CD1C: variants seen among roughly 807,000 people sequenced by gnomAD.
CD1C encodes CD1c molecule.
CD1C carries 47 observed loss-of-function variants against 39.4 expected under a neutral mutation model. The ratio of observed to expected loss-of-function variants is 1.19; its 90% CI spans 0.94 to 1.52. The LOEUF (loss-of-function observed/expected upper bound fraction) is 1.52, where lower values mean the gene tolerates loss of function less well. Ranked by LOEUF, CD1C falls within the 40% of genes most tolerant of loss-of-function variation. CD1C has a pLI of 0.00. For missense variants in CD1C, 417 were observed against 395.2 expected (o/e 1.06, Z -0.47); for synonymous variants, 165 against 150.8 (o/e 1.09, Z -0.69).
Position 158,290,570 on chromosome 1 carries a change from T to G in CD1C, c.61+445T>G, listed in dbSNP as rs548952049. Among the ~76,000 whole-genome samples the G allele has an allele frequency of 9.0e-4, 137 of 152,168 alleles. 1 individual carries two copies. The highest frequency in any genetic ancestry group is 1.7e-3 in the Non-Finnish European group (113 of 68,006). ...CCTAAGGGAAGAGAGTAACTTTAGT[T>G]CAGAGCAGATGGGGAAATGAGAGAT... On this transcript the variant is annotated intron_variant, in intron 1 of 5. Coordinates refer to ENST00000368170, the MANE Select transcript of CD1C (RefSeq NM_001765.3).
Position 158,292,722 on chromosome 1 carries a change from A to C in CD1C, c.737A>C (p.Gln246Pro), listed in dbSNP as rs760750400. The part of the protein sequence containing the change: ...WVTWMRNEQE[Q>P]LGTKHGDILP... ...ACATGGATGCGGAATGAACAGGAGCAACTGGGCACTAAACATGGTGATATT... is the reference window on the plus strand; with the variant it reads ...ACATGGATGCGGAATGAACAGGAGCCACTGGGCACTAAACATGGTGATATT... Residue 246 changes from glutamine to proline, a missense_variant, in exon 4 of 6, where the codon CAA (glutamine) becomes CCA (proline). Gln to Pro is a moderately conservative substitution (Grantham distance 76). Coordinates refer to ENST00000368170, the MANE Select transcript of CD1C (RefSeq NM_001765.3). 6.2e-7 allele frequency: 1 copy of C among 1,614,216 alleles called. No individual in the cohort carries two copies. The highest frequency in any genetic ancestry group is 1.3e-5 in the African/African-American group (1 of 75,074).
Position 158,292,352 on chromosome 1 carries a change from T to G in CD1C, c.597T>G (p.Tyr199Ter). 6.2e-7 allele frequency: 1 copy of G among 1,613,742 alleles called. No homozygotes were observed. The highest frequency in any genetic ancestry group is 8.5e-7 in the Non-Finnish European group (1 of 1,179,888). ...GTCTCCTGGATGCAGGGAAGATGTA[T>G]GTACACAGGCAAGGTCAGTAGTTTC... Reference protein sequence around the residue: ...LLGLLDAGKMYVHRQVRPEAW... With the variant: ...LLGLLDAGKM The change falls in exon 3 of 6, where the codon TAT becomes TAG. Residue 199 changes from tyrosine (Y) to a stop codon, truncating the protein, a stop_gained. Coordinates refer to ENST00000368170, the MANE Select transcript of CD1C (RefSeq NM_001765.3). LOFTEE classifies it high-confidence loss of function.
In CD1C at chr1:158,291,102, C is replaced by G. The variant is rs1268888802; in HGVS notation, c.62-32C>G. 2.7e-6 allele frequency: 4 copies of G among 1,476,776 alleles called. No homozygotes were observed. The Admixed American group carries it at 8.6e-5, about 32-fold the overall frequency. The allele number at this position is 1,476,776 out of a possible 1,614,324, so 91.5% of individuals were successfully genotyped here. Reference sequence around the variant, plus strand: ...TCCTTGCCTCTCTTTTTTTTTTTTTCCTTACACTACTTGCCCTTCTTCCAC... The same window carrying G: ...TCCTTGCCTCTCTTTTTTTTTTTTTGCTTACACTACTTGCCCTTCTTCCAC... On this transcript the variant is annotated intron_variant, in intron 1 of 5. Transcript: ENST00000368170.
In CD1C at chr1:158,293,252, A is replaced by T. The variant is rs1220670859; in HGVS notation, c.930A>T (p.Ile310=). ...TGAATTGGATTGCCTTGGTAGTGATAGTGCCCTTGGTGATTCTAATAGTCC... is the reference window on the plus strand; with the variant it reads ...TGAATTGGATTGCCTTGGTAGTGATTGTGCCCTTGGTGATTCTAATAGTCC... ...FSMNWIALVV[I]VPLVILIVLV... The change falls in exon 5 of 6, where the codon ATA becomes ATT. Residue 310 remains isoleucine (I), a synonymous_variant. Transcript: ENST00000368170. 1 of 1,614,128 alleles carries T rather than the reference A, an allele frequency of 6.2e-7. No homozygotes were observed.
Position 158,292,617 on chromosome 1 carries a change from C to T in CD1C, c.632C>T (p.Ser211Phe). 1 of 1,612,858 alleles carries T rather than the reference C, an allele frequency of 6.2e-7. No homozygotes were observed. Reference protein sequence around the residue: ...HRQVRPEAWLSSRPSLGSGQL... With the variant: ...HRQVRPEAWLFSRPSLGSGQL... Reference sequence around the variant, plus strand: ...GCAGTGAGGCCAGAAGCCTGGCTGTCCAGTCGCCCCAGCCTTGGGTCTGGC... The same window carrying T: ...GCAGTGAGGCCAGAAGCCTGGCTGTTCAGTCGCCCCAGCCTTGGGTCTGGC... Residue 211 changes from serine to phenylalanine, a missense_variant, in exon 4 of 6, where the codon TCC (serine) becomes TTC (phenylalanine). Transcript: ENST00000368170.
chr1:158,293,268 C>G lies in CD1C; in HGVS notation c.946C>G (p.Leu316Val). The G allele has an allele frequency of 6.2e-7, 1 of 1,614,050 alleles. No individual in the cohort carries two copies. Among genetic ancestry groups the G allele is most frequent in the Non-Finnish European group, 8.5e-7 (1 of 1,179,954 alleles). Residue 316 changes from leucine (L) to valine (V), a missense_variant, in exon 5 of 6, where the codon CTA becomes GTA. Physicochemically the swap from Leu to Val is conservative, Grantham distance 32. Transcript: ENST00000368170. Reference protein sequence around the residue: ...ALVVIVPLVILIVLVLWFKKH... With the variant: ...ALVVIVPLVIVIVLVLWFKKH... ...GGTAGTGATAGTGCCCTTGGTGATT[C>G]TAATAGTCCTTGTGTTATGGTTTAA... is the stretch of plus-strand genomic sequence containing the variant.
Position 158,291,281 on chromosome 1 carries a change from A to C in CD1C, c.209A>C (p.Asn70Thr), listed in dbSNP as rs3138100. ...TCAGGCACAATAATTTTCCTGCATA[A>C]CTGGTCCAAGGGCAACTTCAGCAAT... ...SESGTIIFLH[N>T]WSKGNFSNEE... Residue 70 changes from asparagine to threonine, a missense_variant, in exon 2 of 6, where the codon AAC (asparagine) becomes ACC (threonine). Asn to Thr is a moderately conservative substitution (Grantham distance 65). Coordinates refer to ENST00000368170, the MANE Select transcript of CD1C (RefSeq NM_001765.3). The C allele has an allele frequency of 7.1e-3, 11,479 of 1,614,036 alleles. 485 individuals are homozygous for C. In the African/African-American group the frequency reaches 0.11, roughly 15 times the overall value.
intron 4 of CD1C, 56 bp downstream of exon 4, chr1:158,292,930 GA>G: frequency 6.4e-7 from 1 of 1,567,480 alleles, no homozygotes; most frequent in South Asian, 1.1e-5. Flanking sequence ...GAGGTTAGGG[GA>G]GAGGAAATTT....
chr1:158,291,317 C>T lies in CD1C; in HGVS notation c.245C>T (p.Ser82Leu). The change falls in exon 2 of 6, where the codon TCA becomes TTA. Residue 82 changes from serine to leucine, a missense_variant. Coordinates refer to ENST00000368170, the MANE Select transcript of CD1C (RefSeq NM_001765.3). ...GGCAACTTCAGCAATGAAGAGTTGT[C>T]AGACCTAGAGTTGTTATTTCGTTTC... ...SKGNFSNEEL[S>L]DLELLFRFYL... 1.2e-6 allele frequency: 2 copies of T among 1,614,080 alleles called. No individual in the cohort carries two copies. The highest frequency in any genetic ancestry group is 1.7e-6 in the Non-Finnish European group (2 of 1,179,976).
At position 158,291,362 on chromosome 1, in the gene CD1C, G is replaced by A. The variant is rs114534381; in HGVS notation, c.290G>A (p.Arg97Gln). 1.0e-4 allele frequency: 163 copies of A among 1,613,992 alleles called. No homozygotes were observed. The African/African-American group carries it at 1.7e-3, about 17-fold the overall frequency. Reference sequence around the variant, plus strand: ...CGTTTCTACCTCTTTGGATTAACTCGGGAGATTCAAGACCATGCAAGTCAA... The same window carrying A: ...CGTTTCTACCTCTTTGGATTAACTCAGGAGATTCAAGACCATGCAAGTCAA... The part of the protein sequence containing the change: ...LFRFYLFGLT[R>Q]EIQDHASQDY... The change falls in exon 2 of 6, where the codon CGG becomes CAG. Residue 97 changes from arginine (R) to glutamine (Q), a missense_variant. Coordinates refer to ENST00000368170, the MANE Select transcript of CD1C (RefSeq NM_001765.3).
At chr1:158,293,022 GA>G in intron 4 of CD1C, 148 bp downstream of exon 4, 1 of 874,376 alleles carries the variant, frequency 1.1e-6, no homozygotes, top group Non-Finnish European at 1.8e-6. Context: ...AGACCTAAGG[GA>G]TACATGGATA....
rs1352511663 is a variant in CD1C at position 158,292,618 on chromosome 1, C to T, written c.633C>T (p.Ser211=). The change falls in exon 4 of 6, where the codon TCC becomes TCT. Residue 211 remains serine, a synonymous_variant. Transcript: ENST00000368170. The part of the protein sequence containing the change: ...HRQVRPEAWL[S]SRPSLGSGQL... ...CAGTGAGGCCAGAAGCCTGGCTGTC[C>T]AGTCGCCCCAGCCTTGGGTCTGGCC... The T allele has an allele frequency of 7.4e-6, 12 of 1,612,744 alleles. No individual in the cohort carries two copies. Among genetic ancestry groups the T allele is most frequent in the Non-Finnish European group, 1.0e-5 (12 of 1,179,988 alleles).
At chr1:158,291,096 T>G in intron 1 of CD1C, 38 bp from the exon 2 acceptor site, 1 of 1,569,072 alleles carries the variant, frequency 6.4e-7, no homozygotes, top group Non-Finnish European at 8.6e-7. Flanking sequence ...CTCTTTTTTT[T>G]TTTTTCCTTA....
rs943272035 is a variant in CD1C at position 158,294,292 on chromosome 1, G to C, written c.*816G>C. Among the ~76,000 whole-genome samples, 9 of 152,200 alleles carry C rather than the reference G, an allele frequency of 5.9e-5. No homozygotes were observed. Among genetic ancestry groups the C allele is most frequent in the Non-Finnish European group, 7.3e-5 (5 of 68,036 alleles). ...TTTCCTAAAGGACTGTGTTATCTGA[G>C]ATAGCCTTGGCTAAACTTTAGTCCC... On this transcript the variant is annotated 3_prime_UTR_variant, in exon 6 of 6. Coordinates refer to ENST00000368170, the MANE Select transcript of CD1C (RefSeq NM_001765.3).
chr1:158,292,324 T>C lies in CD1C; in HGVS notation c.569T>C (p.Leu190Ser). Residue 190 changes from leucine to serine, a missense_variant, in exon 3 of 6, where the codon TTG becomes TCG. Physicochemically the swap from Leu to Ser is moderately radical, Grantham distance 145 (BLOSUM62 -2). Transcript: ENST00000368170. Reference sequence around the variant, plus strand: ...AGAAGCACTTGCCCCCGATTTCTCTTGGGTCTCCTGGATGCAGGGAAGATG... The same window carrying C: ...AGAAGCACTTGCCCCCGATTTCTCTCGGGTCTCCTGGATGCAGGGAAGATG... ...LIRSTCPRFL[L>S]GLLDAGKMYV... The C allele has an allele frequency of 6.2e-7, 1 of 1,614,176 alleles. No homozygotes were observed. Among genetic ancestry groups the C allele is most frequent in the Non-Finnish European group, 8.5e-7 (1 of 1,180,034 alleles).
At chr1:158,291,086 C>G in intron 1 of CD1C, 48 bp from the exon 2 acceptor site, 5 of 1,527,342 alleles carry the variant, frequency 3.3e-6, no homozygotes, top group Non-Finnish European at 4.5e-6. Context: ...TTCCTTGCCT[C>G]TCTTTTTTTT....
Position 158,291,282 on chromosome 1 carries a change from C to G in CD1C, c.210C>G (p.Asn70Lys). Residue 70 changes from asparagine to lysine, a missense_variant, in exon 2 of 6, where the codon AAC becomes AAG. Coordinates refer to ENST00000368170, the MANE Select transcript of CD1C (RefSeq NM_001765.3). ...SESGTIIFLH[N>K]WSKGNFSNEE... ...CAGGCACAATAATTTTCCTGCATAA[C>G]TGGTCCAAGGGCAACTTCAGCAATG... 1 of 1,614,160 alleles carries G rather than the reference C, an allele frequency of 6.2e-7. No homozygotes were observed. Among genetic ancestry groups the G allele is most frequent in the Non-Finnish European group, 8.5e-7 (1 of 1,180,036 alleles).
chr1:158,290,603 G>C (rs1460609739), intron 1 of CD1C, among the ~76,000 whole-genome samples: 1 of 152,136 alleles, frequency 6.6e-6, no homozygotes, highest in Non-Finnish European at 1.5e-5. Flanking sequence ...GATTGAGTAG[G>C]AGGCCTAAGG....
chr1:158,292,950 G>A, intron 4 of CD1C, 76 bp downstream of exon 4: 1 of 1,425,526 alleles, frequency 7.0e-7, no homozygotes, highest in Non-Finnish European at 9.7e-7. Context: ...TTTGAGGATA[G>A]CAGACCTAGG....
Sources: allele counts gnomAD v4.1 joint callset (sites outside exome capture counted in the v4.1 genomes callset), GRCh38; gene constraint gnomAD v4.1.1; transcripts MANE v1.5; gene names NCBI Gene and HGNC (gene_info 2026-07-23, HGNC 2026-07-21).